Variants in TNFSF4 observed in about 807,000 individuals in gnomAD.
TNFSF4 encodes TNF superfamily member 4.
TNFSF4 carries 4 observed loss-of-function variants against 7.3 expected under a neutral mutation model. The observed-to-expected ratio is 0.55, with a 90% CI of 0.27 to 1.25. The LOEUF (loss-of-function observed/expected upper bound fraction) is 1.25. Among genes scored for constraint, TNFSF4 ranks in the 50% most tolerant of loss-of-function variants. The pLI is 0.12. For missense variants in TNFSF4, 181 were observed against 208.8 expected, an observed-to-expected ratio of 0.87 and a Z score of 0.82; for synonymous variants, 76 against 83.7, an observed-to-expected ratio of 0.91 and a Z score of 0.50.
chr1:173,233,163 C>G, the TNFSF4 span, among the ~76,000 whole-genome samples: 1 of 152,050 alleles, frequency 6.6e-6, no homozygotes, highest in Non-Finnish European at 1.5e-5. Context: ...AACCATGGCA[C>G]GAGAACTACA....
downstream of TNFSF4, among the ~76,000 whole-genome samples, chr1:173,180,722 AG>A (rs1181853682): frequency 2.6e-5 from 4 of 152,266 alleles, no homozygotes; most frequent in Admixed American, 6.5e-5. Context: ...GGATAGAAAT[AG>A]TATTAATTTA....
the TNFSF4 span, among the ~76,000 whole-genome samples, chr1:173,422,925 T>C: frequency 6.6e-6 from 1 of 152,112 alleles, no homozygotes; most frequent in African/African-American, 2.4e-5. Context: ...GTCAGCTTCA[T>C]GTTAACCACT....
At chr1:173,195,886 G>C (rs1649678386) in intron 1 of TNFSF4, among the ~76,000 whole-genome samples, 1 of 152,140 alleles carries the variant, frequency 6.6e-6, no homozygotes, top group South Asian at 2.1e-4. Flanking sequence ...AACACATCTG[G>C]AGTGGGGACT....
chr1:173,304,676 A>G, the TNFSF4 span, among the ~76,000 whole-genome samples: 1 of 151,952 alleles, frequency 6.6e-6, no homozygotes, highest in African/African-American at 2.4e-5. Flanking sequence ...TGTTGGCTGG[A>G]GGCCTCAAGC....
At position 173,207,054 on chromosome 1, in the gene TNFSF4, G is replaced by A. The variant is rs762599786; in HGVS notation, c.123C>T (p.Thr41=). Residue 41 remains threonine, a synonymous_variant, in exon 1 of 3, where the codon ACC becomes ACT. Coordinates refer to ENST00000281834, the MANE Select transcript of TNFSF4 (RefSeq NM_003326.5). ...IQGLGLLLCF[T]YICLHFSALQ... ...GAGCAGAGAAGTGCAGGCAGATGTAGGTGAAGCACAGGAGCAGCCCCAGTC... is the reference window on the plus strand; with the variant it reads ...GAGCAGAGAAGTGCAGGCAGATGTAAGTGAAGCACAGGAGCAGCCCCAGTC... The A allele has an allele frequency of 3.1e-6, 5 of 1,613,264 alleles. No homozygotes were observed. The highest frequency in any genetic ancestry group is 4.2e-6 in the Non-Finnish European group (5 of 1,179,666).
At chr1:173,429,280 A>T in the TNFSF4 span, among the ~76,000 whole-genome samples, 9 of 152,298 alleles carry the variant, frequency 5.9e-5, no homozygotes, top group African/African-American at 2.2e-4. Flanking sequence ...GAGAGAAAAG[A>T]CTGGCCCCCC....
chr1:173,337,148 T>C, the TNFSF4 span, among the ~76,000 whole-genome samples: 3 of 152,308 alleles, frequency 2.0e-5, no homozygotes, highest in African/African-American at 7.2e-5. Flanking sequence ...TGGCAGGCTC[T>C]TATAGGTGTA....
chr1:173,315,618 T>C, the TNFSF4 span, among the ~76,000 whole-genome samples: 1 of 152,118 alleles, frequency 6.6e-6, no homozygotes, highest in Non-Finnish European at 1.5e-5. Context: ...GAGGCTACTG[T>C]GGGTGAGAAA....
chr1:173,349,130 G>A, the TNFSF4 span, among the ~76,000 whole-genome samples: 36 of 152,116 alleles, frequency 2.4e-4, no homozygotes, highest in Admixed American at 2.2e-3. Flanking sequence ...CCGGGTTCAC[G>A]CCATTCTCCT....
At chr1:173,323,451 A>G in the TNFSF4 span, among the ~76,000 whole-genome samples, 1 of 152,240 alleles carries the variant, frequency 6.6e-6, no homozygotes, top group Admixed American at 6.5e-5. Context: ...TAAAAAGCAG[A>G]GTGCCTCTCC....
the TNFSF4 span, among the ~76,000 whole-genome samples, chr1:173,285,303 T>G: frequency 6.6e-6 from 1 of 152,164 alleles, no homozygotes; most frequent in Non-Finnish European, 1.5e-5. Flanking sequence ...GATAAAGAGT[T>G]GCTTCCTCAT....
At chr1:173,227,134 A>T in the TNFSF4 span, among the ~76,000 whole-genome samples, 1 of 150,210 alleles carries the variant, frequency 6.7e-6, no homozygotes, top group Admixed American at 6.6e-5. Context: ...TTTCAGGAAT[A>T]CTTAACAAGC....
At chr1:173,187,801 T>A (rs1649297111) in intron 2 of TNFSF4, among the ~76,000 whole-genome samples, 1 of 152,214 alleles carries the variant, frequency 6.6e-6, no homozygotes, top group South Asian at 2.1e-4. Context: ...ATTAAAATCA[T>A]CCTGAATAGC....
the TNFSF4 span, among the ~76,000 whole-genome samples, chr1:173,229,322 C>T: frequency 5.9e-5 from 9 of 152,278 alleles, no homozygotes; most frequent in African/African-American, 2.2e-4. Context: ...ATTTCATATC[C>T]AGCCAAACTA....
chr1:173,302,026 T>C, the TNFSF4 span, among the ~76,000 whole-genome samples: 1 of 151,890 alleles, frequency 6.6e-6, no homozygotes, highest in Non-Finnish European at 1.5e-5. Flanking sequence ...ATTGAGGTCA[T>C]TTAATTTACA....
chr1:173,315,868 T>C, the TNFSF4 span, among the ~76,000 whole-genome samples: 1 of 152,314 alleles, frequency 6.6e-6, no homozygotes, highest in South Asian at 2.1e-4. Flanking sequence ...TTGTTGATTT[T>C]TTCCTTTGCT....
chr1:173,410,359 A>G, the TNFSF4 span, among the ~76,000 whole-genome samples: 2 of 152,206 alleles, frequency 1.3e-5, no homozygotes, highest in Non-Finnish European at 2.9e-5. Flanking sequence ...CTAACCTACA[A>G]AGAAGCTCTA....
At chr1:173,349,298 G>A in the TNFSF4 span, among the ~76,000 whole-genome samples, 4 of 152,284 alleles carry the variant, frequency 2.6e-5, no homozygotes, top group Admixed American at 1.3e-4. Context: ...AAAGTGCTGG[G>A]ATTACAGGCG....
At chr1:173,321,902 G>A in the TNFSF4 span, among the ~76,000 whole-genome samples, 1 of 152,216 alleles carries the variant, frequency 6.6e-6, no homozygotes, top group Non-Finnish European at 1.5e-5. Flanking sequence ...GGAAGACAAT[G>A]TGGTGATTCC....
Sources: gnomAD v4.1 joint callset for allele counts (sites outside exome capture counted in the v4.1 genomes callset) on GRCh38, gnomAD v4.1.1 for gene constraint, MANE v1.5 for transcripts, NCBI Gene and HGNC (gene_info 2026-07-23, HGNC 2026-07-21) for gene names.